The following SLC35F4 variants were observed in gnomAD, a reference collection of about 807,000 sequenced individuals.
SLC35F4 encodes solute carrier family 35 member F4.
In SLC35F4, 24 loss-of-function variants were observed where a neutral mutation model predicts 44.2. That is an observed-to-expected ratio of 0.54 (90% CI 0.39 to 0.76). The LOEUF (loss-of-function observed/expected upper bound fraction) is 0.76, where lower values mean the gene tolerates loss of function less well. SLC35F4 is among the 30% of genes least tolerant of loss of function. The pLI is 0.00. For synonymous variants in SLC35F4, 238 were observed against 223.6 expected (o/e 1.06, Z -0.57); for missense variants, 562 against 586.1 (o/e 0.96, Z 0.42).
At chr14:57,787,260 A>T (rs2077788504) in intron 1 of SLC35F4, among the ~76,000 whole-genome samples, 1 of 152,200 alleles carries the variant, frequency 6.6e-6, no homozygotes, top group Non-Finnish European at 1.5e-5. Context: ...GTAGTCTGGG[A>T]TTATGTTAAA....
intron 1 of SLC35F4, among the ~76,000 whole-genome samples, chr14:57,709,112 C>G (rs542406576): frequency 3.3e-5 from 5 of 152,184 alleles, no homozygotes; most frequent in Non-Finnish European, 7.4e-5. Flanking sequence ...GCAGGCCCAA[C>G]TGATGGCAGG....
intron 1 of SLC35F4, among the ~76,000 whole-genome samples, chr14:57,598,611 C>A (rs771529094): frequency 3.3e-5 from 5 of 152,114 alleles, no homozygotes; most frequent in African/African-American, 1.2e-4. Context: ...TGTCTCCATG[C>A]GAACAAGTGC....
At chr14:57,667,766 G>T (rs1372075680) in intron 1 of SLC35F4, among the ~76,000 whole-genome samples, 1 of 151,714 alleles carries the variant, frequency 6.6e-6, no homozygotes, top group African/African-American at 2.4e-5. Flanking sequence ...CCGAGTCTTT[G>T]CTATTGTGAA....
At chr14:57,849,770 C>T (rs913377608) in intron 1 of SLC35F4, among the ~76,000 whole-genome samples, 1 of 152,118 alleles carries the variant, frequency 6.6e-6, no homozygotes, top group Non-Finnish European at 1.5e-5. Flanking sequence ...ACAGCATCAG[C>T]CATTACATCA....
intron 1 of SLC35F4, among the ~76,000 whole-genome samples, chr14:57,724,655 C>G (rs560841034): frequency 1.3e-5 from 2 of 152,298 alleles, no homozygotes; most frequent in East Asian, 3.9e-4. Flanking sequence ...TGCATTCTCC[C>G]CCCCAGCCTG....
intron 1 of SLC35F4, among the ~76,000 whole-genome samples, chr14:57,841,209 G>A (rs1885448580): frequency 6.6e-6 from 1 of 152,172 alleles, no homozygotes; most frequent in Non-Finnish European, 1.5e-5. Context: ...CTAAGCAGGA[G>A]ATCAAGGGAT....
rs59027196 is a variant in SLC35F4 at position 57,950,675 on chromosome 14, C to CTTTTTTTTTTTTT, written n.282+31237_282+31238insAAAAAAAAAAAAA. ...GACTCTTTGTTTCTTTTCTTTCTTT[C>CTTTTTTTTTTTTT]TTTTTTTTTTTTGAGACAGAGTCTT... On this transcript the variant is annotated intron_variant and non_coding_transcript_variant, in intron 1 of 1. Transcript: ENST00000556568. Among the ~76,000 whole-genome samples the CTTTTTTTTTTTTT allele has an allele frequency of 2.4e-3, 304 of 127,070 alleles. 3 individuals are homozygous for CTTTTTTTTTTTTT. The highest frequency in any genetic ancestry group is 5.2e-3 in the East Asian group (19 of 3,672). The allele number at this position is 127,070 out of a possible 152,430, so 83.4% of individuals were successfully genotyped here. A position where few individuals can be genotyped will look rare whatever the true frequency, so the allele number is the denominator to read the frequency against.
At chr14:57,763,832 C>T (rs991764410) in intron 1 of SLC35F4, among the ~76,000 whole-genome samples, 1 of 152,080 alleles carries the variant, frequency 6.6e-6, no homozygotes, top group Non-Finnish European at 1.5e-5. Context: ...GAATGTGGTA[C>T]ACCCTTGCCA....
chr14:57,818,074 A>G (rs1199630708), intron 1 of SLC35F4, among the ~76,000 whole-genome samples: 1 of 152,168 alleles, frequency 6.6e-6, no homozygotes, highest in African/African-American at 2.4e-5. Context: ...CAACTTCAAC[A>G]TCAGTATATA....
chr14:57,733,378 A>G (rs1325608094), intron 1 of SLC35F4, among the ~76,000 whole-genome samples: 2 of 150,804 alleles, frequency 1.3e-5, no homozygotes, highest in Admixed American at 6.6e-5. Context: ...AAAAAAAAAA[A>G]AAATCCCAGC....
chr14:57,817,875 G>A (rs1882777752), intron 1 of SLC35F4, among the ~76,000 whole-genome samples: 1 of 152,086 alleles, frequency 6.6e-6, no homozygotes, highest in East Asian at 1.9e-4. Context: ...TGTTAGAAAG[G>A]ATTTAAGTGC....
At chr14:57,859,709 G>C (rs1887517390) in intron 1 of SLC35F4, among the ~76,000 whole-genome samples, 1 of 152,110 alleles carries the variant, frequency 6.6e-6, no homozygotes, top group Non-Finnish European at 1.5e-5. Context: ...CTGGGCAAAA[G>C]ATGCGATGGA....
In SLC35F4 at chr14:57,887,351, C is replaced by A. The variant is rs190620825; in HGVS notation, n.282+94562G>T. ...TTCAAGCTCCCTGGCTCAGAATGCT[C>A]TCCTCATGCCTTATCCTACAGAGGC... On this transcript the variant is annotated intron_variant and non_coding_transcript_variant, in intron 1 of 1. Transcript: ENST00000556568. 2.3e-4 allele frequency among the ~76,000 whole-genome samples: 35 copies of A among 152,252 alleles called. 1 individual carries two copies. Among genetic ancestry groups the A allele is most frequent in the Admixed American group, 1.4e-3 (22 of 15,300 alleles).
At chr14:57,659,026 T>C (rs2074055259) in intron 1 of SLC35F4, among the ~76,000 whole-genome samples, 1 of 152,132 alleles carries the variant, frequency 6.6e-6, no homozygotes. Context: ...TTGGCTGGGC[T>C]CTCAGATATC....
At chr14:57,711,364 G>T (rs1320467467) in intron 1 of SLC35F4, among the ~76,000 whole-genome samples, 2 of 151,976 alleles carry the variant, frequency 1.3e-5, no homozygotes, top group Non-Finnish European at 2.9e-5. Context: ...CCTAGTCTCG[G>T]GTATTTCTTC....
At chr14:57,618,871 T>G (rs997589290) in intron 1 of SLC35F4, among the ~76,000 whole-genome samples, 1 of 152,114 alleles carries the variant, frequency 6.6e-6, no homozygotes, top group African/African-American at 2.4e-5. Context: ...GCGTCCACCA[T>G]TGCTGAGGCT....
intron 1 of SLC35F4, among the ~76,000 whole-genome samples, chr14:57,598,153 G>A (rs546772130): frequency 3.2e-4 from 49 of 152,084 alleles, no homozygotes; most frequent in Non-Finnish European, 4.7e-4. Context: ...TCCATCTCTC[G>A]CTGCTGGGTA....
chr14:57,860,203 T>C (rs1007687373), intron 1 of SLC35F4, among the ~76,000 whole-genome samples: 1 of 152,148 alleles, frequency 6.6e-6, no homozygotes, highest in African/African-American at 2.4e-5. Flanking sequence ...ATGGGGATGA[T>C]ACCAGAGCTG....
chr14:57,929,254 G>A (rs1889645068), intron 1 of SLC35F4, among the ~76,000 whole-genome samples: 1 of 152,100 alleles, frequency 6.6e-6, no homozygotes, highest in Non-Finnish European at 1.5e-5. Context: ...TGGTCAAGGT[G>A]AAATAATAAA....
Sources: gnomAD v4.1 joint callset for allele counts (sites outside exome capture counted in the v4.1 genomes callset) on GRCh38, gnomAD v4.1.1 for gene constraint, MANE v1.5 for transcripts, NCBI Gene and HGNC (gene_info 2026-07-23, HGNC 2026-07-21) for gene names.